PHF21A: variants seen among roughly 807,000 people sequenced by gnomAD.
PHF21A encodes the protein PHD finger protein 21A.
Under a neutral mutation model 82.5 loss-of-function variants are expected in PHF21A, and 11 were observed. The observed-to-expected ratio is 0.13, with a 90% CI of 0.08 to 0.22. PHF21A has a LOEUF of 0.22. Among genes scored for constraint, PHF21A ranks in the 10% least tolerant of loss-of-function variants. The pLI, the probability that PHF21A is intolerant of heterozygous loss-of-function variation, is 1.00. For synonymous variants in PHF21A, 297 were observed against 302.8 expected (o/e 0.98, Z 0.20); for missense variants, 579 against 837.8 (o/e 0.69, Z 3.81).
At chr11:45,987,458 G>A (rs1426158846) in intron 6 of PHF21A, among the ~76,000 whole-genome samples, 2 of 151,446 alleles carry the variant, frequency 1.3e-5, no homozygotes, top group Admixed American at 6.6e-5. Context: ...TCAGGAGTTC[G>A]AGACCAGCCT....
intron 6 of PHF21A, among the ~76,000 whole-genome samples, chr11:46,020,430 G>C (rs1035939589): frequency 2.6e-5 from 4 of 152,132 alleles, no homozygotes; most frequent in Non-Finnish European, 4.4e-5. Context: ...CAGCAGGAGG[G>C]AAGCACCGTG....
chr11:45,979,654 A>G (rs1365239582), intron 7 of PHF21A, 106 bp downstream of exon 7: 27 of 1,499,532 alleles, frequency 1.8e-5, no homozygotes, highest in Non-Finnish European at 2.5e-5. Context: ...ACTTTTGTTT[A>G]GTTCTAGCTG....
Position 45,933,883 on chromosome 11 carries a change from G to T in PHF21A, c.*85C>A. ...AACCAAAAGAATTCTGCACTTTCCA[G>T]AAATCCGGCTTTGCTTTTCTAGAGT... On this transcript the variant is annotated 3_prime_UTR_variant, in exon 19 of 19. Transcript: ENST00000676320. 7.5e-7 allele frequency: 1 copy of T among 1,328,728 alleles called. No individual in the cohort carries two copies. The highest frequency in any genetic ancestry group is 1.0e-6 in the Non-Finnish European group (1 of 985,994). 82.3% of individuals were successfully genotyped at this position (1,328,728 alleles called of 1,614,324 possible).
chr11:46,096,164 A>G (rs1035083869), intron 1 of PHF21A, among the ~76,000 whole-genome samples: 8 of 151,878 alleles, frequency 5.3e-5, no homozygotes, highest in African/African-American at 1.9e-4. Context: ...TCCCTCTTGT[A>G]CCCACCTCTC....
chr11:46,011,738 T>C (rs2095417681), intron 6 of PHF21A, among the ~76,000 whole-genome samples: 1 of 152,174 alleles, frequency 6.6e-6, no homozygotes, highest in Admixed American at 6.5e-5. Flanking sequence ...TAAAGCAAAA[T>C]AGTGGATGTC....
intron 10 of PHF21A, among the ~76,000 whole-genome samples, chr11:45,964,200 A>AAATAATAATAATAAT (rs58644528): frequency 0.29 from 38,410 of 134,210 alleles, 5,937 homozygotes; most frequent in Non-Finnish European, 0.33. Flanking sequence ...CTCCATCTCA[A>AAATAATAATAATAAT]AATAATAATA....
At chr11:46,102,664 A>G (rs2097110023) in intron 1 of PHF21A, among the ~76,000 whole-genome samples, 1 of 152,204 alleles carries the variant, frequency 6.6e-6, no homozygotes, top group African/African-American at 2.4e-5. Context: ...CAACCAGAAA[A>G]TACAGCAATT....
chr11:45,994,126 A>ACAGCCTCAAGAT (rs1413982191), intron 6 of PHF21A, among the ~76,000 whole-genome samples: 1 of 152,228 alleles, frequency 6.6e-6, no homozygotes, highest in Non-Finnish European at 1.5e-5. Flanking sequence ...TTCTGTTGCT[A>ACAGCCTCAAGAT]ACCTTACAGC....
At chr11:45,971,576 C>T (rs1380445735) in intron 7 of PHF21A, among the ~76,000 whole-genome samples, 1 of 152,312 alleles carries the variant, frequency 6.6e-6, no homozygotes, top group East Asian at 1.9e-4. Flanking sequence ...CAAGAGTTCT[C>T]ATATTGGTGT....
intron 10 of PHF21A, among the ~76,000 whole-genome samples, chr11:45,964,086 A>G (rs2093282627): frequency 6.6e-6 from 1 of 151,578 alleles, no homozygotes; most frequent in South Asian, 2.1e-4. Context: ...AATCCCAGCT[A>G]CTCAGGAGGC....
chr11:46,020,622 T>C (rs977846263), intron 6 of PHF21A, among the ~76,000 whole-genome samples: 3 of 152,222 alleles, frequency 2.0e-5, no homozygotes, highest in African/African-American at 7.2e-5. Context: ...CTATAAGTTA[T>C]GAAATTTCTC....
chr11:45,963,856 T>A (rs1420369718), intron 10 of PHF21A, among the ~76,000 whole-genome samples: 2 of 152,158 alleles, frequency 1.3e-5, no homozygotes, highest in Non-Finnish European at 2.9e-5. Flanking sequence ...AATACCAAAG[T>A]TCTGCTGTCA....
At chr11:46,075,672 G>A (rs531412619) in intron 6 of PHF21A, among the ~76,000 whole-genome samples, 176 of 152,268 alleles carry the variant, frequency 1.2e-3, no homozygotes, top group African/African-American at 4.1e-3. Context: ...AAGAATAGGA[G>A]GGAAGAATAT....
At chr11:46,022,093 TA>T (rs2095643147) in intron 6 of PHF21A, among the ~76,000 whole-genome samples, 1 of 152,198 alleles carries the variant, frequency 6.6e-6, no homozygotes, top group East Asian at 1.9e-4. Flanking sequence ...AACTAAAAAT[TA>T]ATCATATGGT....
rs149987752 is a variant in PHF21A at position 46,088,815 on chromosome 11, T to C, written c.-84+1640A>G. ...TAGAAGACTGTAGGCTTTTCTGTTC[T>C]CAAATTCTCTAAGGAGGTTCTTCTA... On this transcript the variant is annotated intron_variant, in intron 3 of 18. Transcript: ENST00000676320. 2.2e-3 allele frequency among the ~76,000 whole-genome samples: 331 copies of C among 152,330 alleles called. 1 individual carries two copies. Among genetic ancestry groups the C allele is most frequent in the African/African-American group, 7.4e-3 (309 of 41,572 alleles).
intron 6 of PHF21A, among the ~76,000 whole-genome samples, chr11:45,987,527 G>C (rs551766309): frequency 1.6e-4 from 24 of 151,614 alleles, no homozygotes; most frequent in Non-Finnish European, 2.4e-4. Flanking sequence ...TGGGCATAGT[G>C]GTGGGCGCCT....
chr11:46,019,682 T>A (rs1325480779), intron 6 of PHF21A, among the ~76,000 whole-genome samples: 1 of 152,236 alleles, frequency 6.6e-6, no homozygotes, highest in Non-Finnish European at 1.5e-5. Flanking sequence ...ATTCCAATCT[T>A]AGCAATGAAA....
At chr11:46,031,227 C>A (rs2095861198) in intron 6 of PHF21A, among the ~76,000 whole-genome samples, 1 of 152,216 alleles carries the variant, frequency 6.6e-6, no homozygotes, top group Non-Finnish European at 1.5e-5. Context: ...CTTCCAACCT[C>A]TTTCCATACC....
chr11:46,021,340 G>A (rs2095627213), intron 6 of PHF21A, among the ~76,000 whole-genome samples: 1 of 151,642 alleles, frequency 6.6e-6, no homozygotes, highest in Non-Finnish European at 1.5e-5. Flanking sequence ...GGGATTACAG[G>A]GATAAGCCAC....
Sources: gnomAD v4.1 joint callset for allele counts (sites outside exome capture counted in the v4.1 genomes callset) on GRCh38, gnomAD v4.1.1 for gene constraint, MANE v1.5 for transcripts, NCBI Gene and HGNC (gene_info 2026-07-23, HGNC 2026-07-21) for gene names.